ADAMTS12: variants seen among roughly 807,000 people sequenced by gnomAD.
The protein encoded by ADAMTS12 is A disintegrin and metalloproteinase with thrombospondin motifs 12.
ADAMTS12 carries 118 observed loss-of-function variants against 167.8 expected under a neutral mutation model. That is an observed-to-expected ratio of 0.70 (90% CI 0.61 to 0.82). The LOEUF is 0.82. Ranked by LOEUF, ADAMTS12 falls within the 40% of genes least tolerant of loss-of-function variation. ADAMTS12 has a pLI of 0.00. For missense variants in ADAMTS12, 1,916 were observed against 1,998.8 expected (o/e 0.96, Z 0.79); for synonymous variants, 704 against 716.9 (o/e 0.98, Z 0.29).
intron 2 of ADAMTS12, among the ~76,000 whole-genome samples, chr5:33,803,374 A>T (rs571989609): frequency 2.4e-3 from 362 of 152,330 alleles, no homozygotes; most frequent in African/African-American, 8.4e-3. Context: ...CGCTATACAC[A>T]ACCTAAAGTG....
At chr5:33,543,415 C>A (rs539459817) in intron 22 of ADAMTS12, among the ~76,000 whole-genome samples, 2 of 152,064 alleles carry the variant, frequency 1.3e-5, no homozygotes, top group South Asian at 2.1e-4. Flanking sequence ...AGGATTCACA[C>A]GCGAATTCTA....
intron 16 of ADAMTS12, among the ~76,000 whole-genome samples, chr5:33,597,605 T>A (rs1737962024): frequency 6.6e-6 from 1 of 152,226 alleles, no homozygotes; most frequent in Non-Finnish European, 1.5e-5. Flanking sequence ...ATCCCCCTGA[T>A]GCCAGATGGC....
intron 2 of ADAMTS12, among the ~76,000 whole-genome samples, chr5:33,843,147 T>C (rs113744349): frequency 2.6e-5 from 4 of 151,966 alleles, no homozygotes; most frequent in Admixed American, 1.3e-4. Flanking sequence ...CTGTGTAGGG[T>C]TGGAACGAGA....
At chr5:33,736,342 C>A (rs1024134698) in intron 3 of ADAMTS12, among the ~76,000 whole-genome samples, 1 of 152,172 alleles carries the variant, frequency 6.6e-6, no homozygotes, top group Non-Finnish European at 1.5e-5. Context: ...AGATTACAGG[C>A]GTGAGCCACC....
chr5:33,844,598 T>C (rs978097248), intron 2 of ADAMTS12, among the ~76,000 whole-genome samples: 30 of 152,184 alleles, frequency 2.0e-4, no homozygotes, highest in Non-Finnish European at 4.3e-4. Flanking sequence ...TAAGATGTTA[T>C]CAATGACAAT....
chr5:33,632,638 C>A lies in ADAMTS12; in HGVS notation c.1889-1725G>T, dbSNP rs1010732345. Among the ~76,000 whole-genome samples, 7 of 152,146 alleles carry A rather than the reference C, an allele frequency of 4.6e-5. No individual in the cohort carries two copies. In the East Asian group the frequency reaches 1.4e-3, roughly 29 times the overall value. ...GGTAGCACGATTAGCTCTGTTACTG[C>A]GCAAACTGGAATAGAAGTACTAAAG... On this transcript the variant is annotated intron_variant, in intron 12 of 23. Transcript: ENST00000504830.
At chr5:33,816,215 G>T (rs992541541) in intron 2 of ADAMTS12, among the ~76,000 whole-genome samples, 1 of 152,060 alleles carries the variant, frequency 6.6e-6, no homozygotes, top group African/African-American at 2.4e-5. Context: ...GTGTAAATTT[G>T]TGGGTATAAA....
intron 3 of ADAMTS12, among the ~76,000 whole-genome samples, chr5:33,697,356 AAG>A (rs1742820095): frequency 1.3e-5 from 2 of 152,204 alleles, no homozygotes; most frequent in African/African-American, 4.8e-5. Flanking sequence ...TAAAAGGAAA[AAG>A]AGATCAAGGT....
rs1360217971 is a variant in ADAMTS12, at chr5:33,881,713, C to T, written c.128-233G>A. 2.0e-5 allele frequency among the ~76,000 whole-genome samples: 3 copies of T among 149,310 alleles called. No homozygotes were observed. In the East Asian group the frequency reaches 5.9e-4, roughly 29 times the overall value. On this transcript the variant is annotated intron_variant, in intron 1 of 23. Coordinates refer to ENST00000504830, the MANE Select transcript of ADAMTS12 (RefSeq NM_030955.4). Reference sequence around the variant, plus strand: ...GAGTATCTGGGATTACAGGCATGTGCCACAACACCTGGCTAATTTTGTTTT... The same window carrying T: ...GAGTATCTGGGATTACAGGCATGTGTCACAACACCTGGCTAATTTTGTTTT...
chr5:33,833,806 C>T (rs1329783613), intron 2 of ADAMTS12, among the ~76,000 whole-genome samples: 1 of 151,990 alleles, frequency 6.6e-6, no homozygotes, highest in African/African-American at 2.4e-5. Flanking sequence ...GAAATGATTA[C>T]AATAAAATAT....
intron 19 of ADAMTS12, among the ~76,000 whole-genome samples, chr5:33,570,668 T>TGC (rs1746284009): frequency 6.6e-6 from 1 of 151,148 alleles, no homozygotes; most frequent in Non-Finnish European, 1.5e-5. Context: ...ACCATCGAGA[T>TGC]TAGGAAGAAA....
chr5:33,778,887 A>G (rs1309050154), intron 2 of ADAMTS12, among the ~76,000 whole-genome samples: 2 of 152,158 alleles, frequency 1.3e-5, no homozygotes, highest in East Asian at 3.9e-4. Context: ...CAAAGAAAAC[A>G]TACAAGCAAC....
In ADAMTS12 at chr5:33,525,314, C is replaced by A. The variant is rs548339417; in HGVS notation, c.*1874G>T. 2 of 152,278 alleles carry A rather than the reference C, an allele frequency of 1.3e-5. No individual in the cohort carries two copies. The highest frequency in any genetic ancestry group is 6.5e-5 in the Admixed American group (1 of 15,296). 9.4% of individuals were successfully genotyped at this position (152,278 alleles called of 1,614,324 possible). A position where few individuals can be genotyped will look rare whatever the true frequency, so the allele number is the denominator to read the frequency against. ...TGTAATTATCATCTAGAAATAAATT[C>A]TCTGGCTTTAGGTAAACATTTGTAC... On this transcript the variant is annotated 3_prime_UTR_variant, in exon 24 of 24. Coordinates refer to ENST00000504830, the MANE Select transcript of ADAMTS12 (RefSeq NM_030955.4).
intron 3 of ADAMTS12, among the ~76,000 whole-genome samples, chr5:33,722,150 C>T (rs79798404): frequency 0.038 from 5,746 of 152,236 alleles, 226 homozygotes; most frequent in East Asian, 0.18. Flanking sequence ...TTCCATCCAA[C>T]TCAGATCATA....
intron 2 of ADAMTS12, among the ~76,000 whole-genome samples, chr5:33,823,653 CT>C (rs11422128): frequency 0.025 from 3,624 of 146,806 alleles, 144 homozygotes; most frequent in African/African-American, 0.086. Context: ...CATTTTCTGC[CT>C]TTTTTTTTTT....
intron 23 of ADAMTS12, among the ~76,000 whole-genome samples, chr5:33,528,509 G>C (rs1415147290): frequency 6.6e-6 from 1 of 152,244 alleles, no homozygotes. Context: ...TATGGAAATA[G>C]TTGAATGCAG....
At chr5:33,581,187 G>A (rs1361639953) in intron 18 of ADAMTS12, among the ~76,000 whole-genome samples, 1 of 152,210 alleles carries the variant, frequency 6.6e-6, no homozygotes, top group Admixed American at 6.5e-5. Flanking sequence ...TGAGATAAAT[G>A]CAGTACACAA....
intron 3 of ADAMTS12, among the ~76,000 whole-genome samples, chr5:33,719,610 C>T (rs115610684): frequency 0.032 from 4,841 of 152,296 alleles, 109 homozygotes; most frequent in Non-Finnish European, 0.048. Flanking sequence ...CCATCAGCAC[C>T]TAAGAATCTT....
At chr5:33,769,417 C>A (rs1365985594) in intron 2 of ADAMTS12, among the ~76,000 whole-genome samples, 1 of 152,158 alleles carries the variant, frequency 6.6e-6, no homozygotes, top group Non-Finnish European at 1.5e-5. Flanking sequence ...CTAATCCAGA[C>A]AAAAGCTAGT....
Sources: gnomAD v4.1 joint callset for allele counts (sites outside exome capture counted in the v4.1 genomes callset) on GRCh38, gnomAD v4.1.1 for gene constraint, MANE v1.5 for transcripts, NCBI Gene and HGNC (gene_info 2026-07-23, HGNC 2026-07-21) for gene names.